Variants in ANAPC13 observed in about 807,000 individuals in gnomAD.
ANAPC13 encodes anaphase promoting complex subunit 13.
ANAPC13 carries 9 observed loss-of-function variants against 9.6 expected under a neutral mutation model. The observed-to-expected ratio is 0.94, with a 90% CI of 0.57 to 1.64. ANAPC13 has a LOEUF of 1.64. Among genes scored for constraint, ANAPC13 ranks in the 40% most tolerant of loss-of-function variants. The pLI is 0.00. For missense variants in ANAPC13, 75 were observed against 85.3 expected (o/e 0.88, Z 0.48); for synonymous variants, 30 against 29.7 (o/e 1.01, Z -0.03).
At position 134,482,850 on chromosome 3, in the gene ANAPC13, A is replaced by G; in HGVS notation, c.55T>C (p.Trp19Arg). The G allele has an allele frequency of 1.2e-6, 2 of 1,614,114 alleles. No individual in the cohort carries two copies. Among genetic ancestry groups the G allele is most frequent in the East Asian group, 4.5e-5 (2 of 44,900 alleles). ...GRILDLIDDA[W>R]REDKLPYEDV... ...TCATAAGGCAGCTTGTCTTCTCGCC[A>G]AGCATCATCAATCAAATCCAAGATC... Residue 19 changes from tryptophan to arginine, a missense_variant, in exon 2 of 3, where the codon TGG (tryptophan) becomes CGG (arginine). Trp to Arg is a moderately radical substitution (Grantham distance 101). Transcript: ENST00000354910.
chr3:134,479,500 G>A (rs1201581218), intron 2 of ANAPC13, among the ~76,000 whole-genome samples: 1 of 152,018 alleles, frequency 6.6e-6, no homozygotes, highest in Non-Finnish European at 1.5e-5. Flanking sequence ...ACCATGCCCG[G>A]CTAATTTTGT....
At chr3:134,482,721 G>A (rs913470806) in intron 2 of ANAPC13, 85 bp downstream of exon 2, 9 of 1,094,928 alleles carry the variant, frequency 8.2e-6, no homozygotes, top group Non-Finnish European at 1.1e-5. Context: ...TGCCACACTA[G>A]TTTATCTTCC....
chr3:134,481,037 G>A (rs2107700493), intron 2 of ANAPC13, among the ~76,000 whole-genome samples: 1 of 152,268 alleles, frequency 6.6e-6, no homozygotes, highest in Middle Eastern at 3.4e-3. Flanking sequence ...TCTCCAATCT[G>A]AGCCATAAAC....
intron 2 of ANAPC13, among the ~76,000 whole-genome samples, chr3:134,481,766 T>TA (rs1192890850): frequency 6.6e-6 from 1 of 152,240 alleles, no homozygotes; most frequent in Non-Finnish European, 1.5e-5. Flanking sequence ...AAGCCCTACT[T>TA]ACCTGCTACC....
chr3:134,478,586 A>T lies in ANAPC13; in HGVS notation c.*4T>A. On this transcript the variant is annotated 3_prime_UTR_variant, in exon 3 of 3. Transcript: ENST00000354910. ...AAATCCATCCACAAGAAAGGAGCCA[A>T]GCGTCAGTTTCCAATGGGGGGAACA... 2 of 1,612,188 alleles carry T rather than the reference A, an allele frequency of 1.2e-6. No homozygotes were observed. The highest frequency in any genetic ancestry group is 1.7e-6 in the Non-Finnish European group (2 of 1,179,496).
chr3:134,480,916 A>G (rs1424610237), intron 2 of ANAPC13, among the ~76,000 whole-genome samples: 1 of 152,190 alleles, frequency 6.6e-6, no homozygotes, highest in East Asian at 1.9e-4. Flanking sequence ...TGGCATACAC[A>G]TTGCCTTAGA....
At chr3:134,482,959 A>T (rs780465524) in intron 1 of ANAPC13, 28 bp from the exon 2 acceptor site, 24 of 1,404,712 alleles carry the variant, frequency 1.7e-5, no homozygotes, top group Non-Finnish European at 2.3e-5. Context: ...TATTTCTTAA[A>T]CACGAAGACT....
intron 1 of ANAPC13, among the ~76,000 whole-genome samples, chr3:134,483,595 T>C (rs776187683): frequency 2.2e-4 from 34 of 152,248 alleles, no homozygotes; most frequent in Non-Finnish European, 4.1e-4. Flanking sequence ...ATTTAGCTCC[T>C]TGACCATGGC....
Position 134,478,508 on chromosome 3 carries a change from A to T in ANAPC13, c.*82T>A. The T allele has an allele frequency of 6.6e-7, 1 of 1,515,124 alleles. No individual in the cohort carries two copies. The highest frequency in any genetic ancestry group is 1.3e-5 in the South Asian group (1 of 79,872). 93.9% of individuals were successfully genotyped at this position (1,515,124 alleles called of 1,614,324 possible). On this transcript the variant is annotated 3_prime_UTR_variant, in exon 3 of 3. Transcript: ENST00000354910. ...TTTTGAGTGCTGATTTATTACTCAA[A>T]GGTTTGAATTTGGAGACTGAAACAA...
At chr3:134,485,140 ACAT>A (rs1934993498) in intron 1 of ANAPC13, among the ~76,000 whole-genome samples, 1 of 152,162 alleles carries the variant, frequency 6.6e-6, no homozygotes, top group Non-Finnish European at 1.5e-5. Flanking sequence ...TTGAAGGTCA[ACAT>A]CCCATTTCCG....
chr3:134,482,940 C>G lies in ANAPC13; in HGVS notation c.-27-9G>C. 6.5e-7 allele frequency: 1 copy of G among 1,534,966 alleles called. No homozygotes were observed. On this transcript the variant is annotated splice_polypyrimidine_tract_variant and intron_variant, in intron 1 of 2. Transcript: ENST00000354910. The stretch of plus-strand genomic sequence containing the variant: ...CTTTGATCTTGTCAAATCTGTAAGC[C>G]AAAGAGGTTATTTCTTAAACACGAA...
chr3:134,483,280 A>T (rs1381612767), intron 1 of ANAPC13: 3 of 205,270 alleles, frequency 1.5e-5, no homozygotes, highest in Non-Finnish European at 3.0e-5. Context: ...GATGCCTTTG[A>T]TGAGTCCCTG....
At chr3:134,479,140 G>A (rs1446647460) in intron 2 of ANAPC13, among the ~76,000 whole-genome samples, 2 of 152,168 alleles carry the variant, frequency 1.3e-5, no homozygotes, top group African/African-American at 4.8e-5. Flanking sequence ...ATTAGGTGAG[G>A]TAATTCAGAT....
intron 1 of ANAPC13, among the ~76,000 whole-genome samples, chr3:134,483,825 A>G (rs1474375087): frequency 6.6e-6 from 1 of 152,170 alleles, no homozygotes; most frequent in Non-Finnish European, 1.5e-5. Context: ...CTCACACAAT[A>G]AGCAATTTTG....
At chr3:134,480,731 A>G (rs1384201193) in intron 2 of ANAPC13, among the ~76,000 whole-genome samples, 1 of 152,220 alleles carries the variant, frequency 6.6e-6, no homozygotes, top group East Asian at 1.9e-4. Context: ...GTCCTAGATT[A>G]CCCAGCCTCC....
intron 1 of ANAPC13, among the ~76,000 whole-genome samples, chr3:134,484,862 T>C (rs1934951333): frequency 6.6e-6 from 1 of 152,230 alleles, no homozygotes; most frequent in Non-Finnish European, 1.5e-5. Flanking sequence ...CCTTGAACTC[T>C]TGCTTCTTGT....
chr3:134,482,611 A>G, intron 2 of ANAPC13, 195 bp downstream of exon 2: 4 of 594,964 alleles, frequency 6.7e-6, no homozygotes, highest in Middle Eastern at 6.4e-4. Flanking sequence ...TGACCTGGCC[A>G]TGTTAGCTCC....
intron 2 of ANAPC13, 25 bp from the exon 3 acceptor site, chr3:134,478,740 G>A: frequency 6.2e-7 from 1 of 1,612,918 alleles, no homozygotes; most frequent in South Asian, 1.1e-5. Context: ...TAGAAATTCA[G>A]AACAGTAATA....
At chr3:134,480,149 G>A (rs1934704878) in intron 2 of ANAPC13, among the ~76,000 whole-genome samples, 1 of 152,170 alleles carries the variant, frequency 6.6e-6, no homozygotes. Context: ...ATCATTTATT[G>A]TAACGCAATA....
Sources: gnomAD v4.1 joint callset for allele counts (sites outside exome capture counted in the v4.1 genomes callset) on GRCh38, gnomAD v4.1.1 for gene constraint, MANE v1.5 for transcripts, NCBI Gene and HGNC (gene_info 2026-07-23, HGNC 2026-07-21) for gene names.